The following KHDRBS3 variants were observed in gnomAD, a reference collection of about 807,000 sequenced individuals.
The protein encoded by KHDRBS3 is KH domain-containing, RNA-binding, signal transduction-associated protein 3.
Under a neutral mutation model 45.6 loss-of-function variants are expected in KHDRBS3, and 23 were observed. The ratio of observed to expected loss-of-function variants is 0.50; its 90% confidence interval spans 0.36 to 0.72. KHDRBS3 has a LOEUF of 0.72. Among genes scored for constraint, KHDRBS3 ranks in the 30% least tolerant of loss-of-function variants. The probability of loss-of-function intolerance (pLI) is 0.00; values close to 1 mark genes in which losing one functional copy is unlikely to be tolerated. For synonymous variants in KHDRBS3, 162 were observed against 156.5 expected, an observed-to-expected ratio of 1.04 and a Z score of -0.26; for missense variants, 352 against 424.8, an observed-to-expected ratio of 0.83 and a Z score of 1.51.
At chr8:135,568,759 G>A (rs1390310067) in intron 5 of KHDRBS3, among the ~76,000 whole-genome samples, 1 of 152,194 alleles carries the variant, frequency 6.6e-6, no homozygotes, top group African/African-American at 2.4e-5. Context: ...AATTTAAGAC[G>A]TTAAAGAAGA....
chr8:135,578,013 T>G (rs1270619480), intron 5 of KHDRBS3, among the ~76,000 whole-genome samples: 1 of 152,206 alleles, frequency 6.6e-6, no homozygotes, highest in Non-Finnish European at 1.5e-5. Context: ...TATTTGGTTA[T>G]TTGCCATCTG....
chr8:135,581,265 C>G (rs1366259774), intron 5 of KHDRBS3, among the ~76,000 whole-genome samples: 1 of 152,160 alleles, frequency 6.6e-6, no homozygotes, highest in Non-Finnish European at 1.5e-5. Flanking sequence ...CATCTCCTTC[C>G]TTCCTGACTT....
chr8:135,480,002 G>T (rs1218095743), intron 1 of KHDRBS3, among the ~76,000 whole-genome samples: 2 of 152,142 alleles, frequency 1.3e-5, no homozygotes, highest in East Asian at 1.9e-4. Flanking sequence ...GCAAGGTTGG[G>T]TTAGTATTCA....
At chr8:135,560,487 C>G (rs902892077) in intron 5 of KHDRBS3, among the ~76,000 whole-genome samples, 1 of 152,088 alleles carries the variant, frequency 6.6e-6, no homozygotes, top group Non-Finnish European at 1.5e-5. Flanking sequence ...CGAGCACATC[C>G]GCTGCTGTTG....
intron 1 of KHDRBS3, among the ~76,000 whole-genome samples, chr8:135,517,032 C>G (rs190423585): frequency 1.3e-5 from 2 of 152,108 alleles, no homozygotes; most frequent in Admixed American, 1.3e-4. Flanking sequence ...GAAAAGAGGC[C>G]ATTGCTTAGG....
At chr8:135,472,342 T>C (rs1822059135) in intron 1 of KHDRBS3, among the ~76,000 whole-genome samples, 1 of 152,112 alleles carries the variant, frequency 6.6e-6, no homozygotes, top group African/African-American at 2.4e-5. Flanking sequence ...GGCACGACAC[T>C]ACCTCCCAGA....
Position 135,550,262 on chromosome 8 carries a change from A to G in KHDRBS3, c.471+1362A>G, listed in dbSNP as rs542559332. On this transcript the variant is annotated intron_variant, in intron 4 of 8. Coordinates refer to ENST00000355849, the MANE Select transcript of KHDRBS3 (RefSeq NM_006558.3). ...CATGACCCTTACGATCCTTCCCCAG[A>G]GGTAGACTCTAATTTACCTCACACA... Among the ~76,000 whole-genome samples, 46 of 152,318 alleles carry G rather than the reference A, an allele frequency of 3.0e-4. 2 individuals carry two copies. In the South Asian group the frequency reaches 8.5e-3, roughly 28 times the overall value.
At chr8:135,620,555 AC>A (rs1441719220) in intron 7 of KHDRBS3, among the ~76,000 whole-genome samples, 1 of 152,228 alleles carries the variant, frequency 6.6e-6, no homozygotes, top group Non-Finnish European at 1.5e-5. Flanking sequence ...TTGTGAAAGT[AC>A]ATTGTCATCA....
chr8:135,603,760 G>A (rs540325763), intron 6 of KHDRBS3, among the ~76,000 whole-genome samples: 2 of 152,174 alleles, frequency 1.3e-5, no homozygotes, highest in African/African-American at 2.4e-5. Flanking sequence ...AAAGTTGAAA[G>A]CTTTATAGTA....
chr8:135,626,721 G>A (rs917634509), intron 7 of KHDRBS3, among the ~76,000 whole-genome samples: 12 of 149,164 alleles, frequency 8.0e-5, no homozygotes, highest in Non-Finnish European at 1.2e-4. Context: ...GGAGAATGGC[G>A]TGAACCCGGG....
At chr8:135,470,785 C>T (rs1821978525) in intron 1 of KHDRBS3, among the ~76,000 whole-genome samples, 1 of 152,068 alleles carries the variant, frequency 6.6e-6, no homozygotes, top group Admixed American at 6.6e-5. Flanking sequence ...GAAGTTTCAC[C>T]ATGTTGGCCA....
chr8:135,476,661 C>T (rs892053953), intron 1 of KHDRBS3, among the ~76,000 whole-genome samples: 9 of 152,188 alleles, frequency 5.9e-5, no homozygotes, highest in African/African-American at 1.9e-4. Context: ...ATGGGGAAAC[C>T]GAGCATCAGA....
At chr8:135,484,941 G>A (rs1030180368) in intron 1 of KHDRBS3, among the ~76,000 whole-genome samples, 6 of 152,154 alleles carry the variant, frequency 3.9e-5, no homozygotes, top group East Asian at 1.9e-4. Flanking sequence ...GCTATTTGTC[G>A]AGTGCTGTGC....
intron 1 of KHDRBS3, among the ~76,000 whole-genome samples, chr8:135,482,720 T>A (rs1170285914): frequency 6.6e-6 from 1 of 152,108 alleles, no homozygotes; most frequent in East Asian, 1.9e-4. Flanking sequence ...GGATATAAAA[T>A]GGGCTCTGCA....
At chr8:135,651,745 T>C (rs773011229), downstream of KHDRBS3, among the ~76,000 whole-genome samples, 1 of 152,226 alleles carries the variant, frequency 6.6e-6, no homozygotes, top group Non-Finnish European at 1.5e-5. Flanking sequence ...TTCATCCTCT[T>C]GTCCCCATCT....
chr8:135,584,233 C>T (rs73712077), intron 6 of KHDRBS3, among the ~76,000 whole-genome samples: 2,799 of 152,316 alleles, frequency 0.018, 86 homozygotes, highest in African/African-American at 0.063. Context: ...CACATGGTAG[C>T]GTTGCCTTCA....
chr8:135,523,661 A>G (rs918859777), intron 2 of KHDRBS3, among the ~76,000 whole-genome samples: 3 of 152,190 alleles, frequency 2.0e-5, no homozygotes, highest in Non-Finnish European at 1.5e-5. Flanking sequence ...GAGAGTAGGA[A>G]TTATTCCTGT....
At chr8:135,638,477 T>C (rs553713075) in intron 7 of KHDRBS3, among the ~76,000 whole-genome samples, 17 of 152,264 alleles carry the variant, frequency 1.1e-4, no homozygotes, top group African/African-American at 4.1e-4. Flanking sequence ...CTAACACATA[T>C]CTAAAATTTA....
chr8:135,620,598 T>G (rs1263459027), intron 7 of KHDRBS3, among the ~76,000 whole-genome samples: 11 of 152,334 alleles, frequency 7.2e-5, no homozygotes, highest in Middle Eastern at 3.4e-3. Context: ...TAATCTCAAA[T>G]ATACCTTTTG....
Sources: allele counts gnomAD v4.1 joint callset (sites outside exome capture counted in the v4.1 genomes callset), GRCh38; gene constraint gnomAD v4.1.1; transcripts MANE v1.5; gene names NCBI Gene and HGNC (gene_info 2026-07-23, HGNC 2026-07-21).